The following NLRP11 variants were observed in gnomAD, a reference collection of about 807,000 sequenced individuals.
The protein encoded by NLRP11 is NACHT, LRR and PYD domains-containing protein 11.
Under a neutral mutation model 79.3 loss-of-function variants are expected in NLRP11, and 53 were observed. The ratio of observed to expected loss-of-function variants is 0.67; its 90% CI spans 0.54 to 0.84. The LOEUF is 0.84. Ranked by LOEUF, NLRP11 falls within the 40% of genes least tolerant of loss-of-function variation. The pLI is 0.00. For missense variants in NLRP11, 1,264 were observed against 1,255.0 expected (o/e 1.01, Z -0.11); for synonymous variants, 518 against 462.6 (o/e 1.12, Z -1.54).
rs2122732245 is a variant in NLRP11, at chr19:55,794,239, A to G, written c.2343-1768T>C. Among the ~76,000 whole-genome samples the G allele has an allele frequency of 1.3e-5, 2 of 152,310 alleles. 1 individual carries two copies. The highest frequency in any genetic ancestry group is 4.1e-4 in the South Asian group (2 of 4,834). On this transcript the variant is annotated intron_variant, in intron 6 of 9. Coordinates refer to ENST00000589093, the Ensembl canonical transcript of NLRP11. ...ACCTTAAGTGGATGAATTTTCTGAT[A>G]TGTAAATTATACCTGGAACCAGTGG...
In NLRP11 at chr19:55,809,473, T is replaced by C. The variant is rs1980362715; in HGVS notation, c.1137A>G (p.Thr379=). ...GATTGGCAGTAAGTCCAGCCTCTGA[T>C]GTCAACGCATCAGCAAGAAAGTGGG... Residue 379 remains threonine, a synonymous_variant, in exon 3 of 10, where the codon ACA becomes ACG. Transcript: ENST00000589093. This position sits in a 1 kb window ranked among gnomAD's most constrained non-coding sequence, Gnocchi z 4.5. The C allele has an allele frequency of 6.2e-7, 1 of 1,614,156 alleles. No individual in the cohort carries two copies. Among genetic ancestry groups the C allele is most frequent in the Non-Finnish European group, 8.5e-7 (1 of 1,180,040 alleles).
At chr19:55,786,548 G>A (rs941085750) in intron 9 of NLRP11, among the ~76,000 whole-genome samples, 6 of 151,988 alleles carry the variant, frequency 3.9e-5, no homozygotes, top group East Asian at 1.9e-4. Flanking sequence ...CATAGCTAGA[G>A]AACAGAGGCA....
At chr19:55,792,160 G>T (rs571268727) in intron 7 of NLRP11, 141 bp downstream of exon 7, 2 of 683,490 alleles carry the variant, frequency 2.9e-6, no homozygotes, top group Admixed American at 2.6e-5. Context: ...CTTTCATGTC[G>T]CCTATTCTGG....
At chr19:55,806,212 T>C (rs1979974873) in intron 4 of NLRP11, among the ~76,000 whole-genome samples, 2 of 152,260 alleles carry the variant, frequency 1.3e-5, no homozygotes, top group Non-Finnish European at 2.9e-5. Flanking sequence ...AACTCAGTCC[T>C]TGGCTTTAAA....
chr19:55,833,104 A>C (rs1982938679), upstream of NLRP11, among the ~76,000 whole-genome samples: 1 of 152,232 alleles, frequency 6.6e-6, no homozygotes, highest in Non-Finnish European at 1.5e-5. Flanking sequence ...AGGATGCCAC[A>C]TGCAGTTCCA....
exon 10 of NLRP11, chr19:55,785,631 G>C: frequency 6.2e-7 from 1 of 1,612,870 alleles, no homozygotes; most frequent in Admixed American, 1.7e-5. Flanking sequence ...ATGATCAAAG[G>C]GGTTGCCTAG....
chr19:55,813,708 A>C (rs1980822713), intron 2 of NLRP11, among the ~76,000 whole-genome samples: 1 of 152,204 alleles, frequency 6.6e-6, no homozygotes, highest in Non-Finnish European at 1.5e-5. Flanking sequence ...GATCAAGAGA[A>C]GCAGGAAGGA....
At chr19:55,824,103 A>C (rs1982077955) in intron 1 of NLRP11, among the ~76,000 whole-genome samples, 1 of 117,210 alleles carries the variant, frequency 8.5e-6, no homozygotes, top group African/African-American at 4.2e-5. Flanking sequence ...AGTGGGGGCC[A>C]ATATTCAACA....
intron 2 of NLRP11, among the ~76,000 whole-genome samples, chr19:55,811,018 G>C (rs529462569): frequency 1.3e-5 from 2 of 152,020 alleles, no homozygotes; most frequent in Non-Finnish European, 2.9e-5. Flanking sequence ...GCAATAACTC[G>C]AGTTCAGGGA....
At chr19:55,820,850 T>C (rs1375317530) in intron 1 of NLRP11, among the ~76,000 whole-genome samples, 2 of 152,064 alleles carry the variant, frequency 1.3e-5, no homozygotes, top group Admixed American at 1.3e-4. Flanking sequence ...CATACAGGTG[T>C]CGTGTTGGCT....
intron 1 of NLRP11, among the ~76,000 whole-genome samples, chr19:55,830,154 T>C (rs1363772850): frequency 1.3e-5 from 2 of 152,198 alleles, no homozygotes; most frequent in Non-Finnish European, 2.9e-5. Context: ...TTCTTTTAAA[T>C]CTTGTATCTA....
At chr19:55,812,641 G>A (rs1980715559) in intron 2 of NLRP11, among the ~76,000 whole-genome samples, 1 of 152,158 alleles carries the variant, frequency 6.6e-6, no homozygotes, top group Non-Finnish European at 1.5e-5. Flanking sequence ...TGCACGGTGT[G>A]TGGGGCTGTC....
Position 55,809,292 on chromosome 19 carries a change from T to G in NLRP11, c.1318A>C (p.Asn440His), listed in dbSNP as rs1251362942. 6.2e-7 allele frequency: 1 copy of G among 1,614,128 alleles called. No individual in the cohort carries two copies. The highest frequency in any genetic ancestry group is 8.5e-7 in the Non-Finnish European group (1 of 1,179,968). Reference sequence around the variant, plus strand: ...AACTTGTAACGGTCTTTATGAGTGTTGCTCGGCAAAAGAATATTCGCGGCC... The same window carrying G: ...AACTTGTAACGGTCTTTATGAGTGTGGCTCGGCAAAAGAATATTCGCGGCC... Residue 440 changes from asparagine (N) to histidine (H), a missense_variant, in exon 3 of 10, where the codon AAC becomes CAC. Asn to His is a moderately conservative substitution (Grantham distance 68, BLOSUM62 1). Coordinates refer to ENST00000589093, the Ensembl canonical transcript of NLRP11. The surrounding 1 kb of genome is among the most constrained non-coding windows in gnomAD (Gnocchi z 4.5).
chr19:55,808,003 C>T, exon 4 of NLRP11: 1 of 1,600,206 alleles, frequency 6.2e-7, no homozygotes, highest in Non-Finnish European at 8.5e-7. Context: ...GTAGACAAGG[C>T]TCTTCATTTG....
At chr19:55,796,871 T>C (rs1978961352) in intron 5 of NLRP11, among the ~76,000 whole-genome samples, 1 of 152,040 alleles carries the variant, frequency 6.6e-6, no homozygotes, top group African/African-American at 2.4e-5. Flanking sequence ...GTATTTTTAG[T>C]AGACACCAGG....
chr19:55,814,956 A>G (rs1416627907), intron 2 of NLRP11, among the ~76,000 whole-genome samples: 1 of 152,208 alleles, frequency 6.6e-6, no homozygotes, highest in Non-Finnish European at 1.5e-5. Context: ...TTTACAGTGT[A>G]TATCAAAACA....
chr19:55,788,304 T>G (rs952918872), intron 9 of NLRP11, among the ~76,000 whole-genome samples: 1 of 152,122 alleles, frequency 6.6e-6, no homozygotes, highest in Non-Finnish European at 1.5e-5. Flanking sequence ...TACTCACCAT[T>G]GAGTACATCC....
chr19:55,787,353 T>C lies in NLRP11; in HGVS notation c.2855+1454A>G, dbSNP rs544783216. 5.9e-5 allele frequency among the ~76,000 whole-genome samples: 9 copies of C among 152,276 alleles called. No individual in the cohort carries two copies. In the East Asian group the frequency reaches 9.7e-4, roughly 16 times the overall value. On this transcript the variant is annotated intron_variant, in intron 9 of 9. Transcript: ENST00000589093. ...AAGCAAGACCTGTGATTTGCTTCCT[T>C]TGAGATGGAGTCTTGCTCTGTCACC...
intron 1 of NLRP11, among the ~76,000 whole-genome samples, chr19:55,822,576 C>T (rs1981864259): frequency 1.3e-5 from 2 of 152,108 alleles, no homozygotes; most frequent in Admixed American, 1.3e-4. Flanking sequence ...CGAGCCGAAG[C>T]AGGGCGAGGC....
Sources: allele counts gnomAD v4.1 joint callset (sites outside exome capture counted in the v4.1 genomes callset), GRCh38; gene constraint gnomAD v4.1.1; non-coding constraint Gnocchi (gnomAD v3.1); transcripts MANE v1.5; gene names NCBI Gene and HGNC (gene_info 2026-07-23, HGNC 2026-07-21).